The following SHISA5 variants were observed in gnomAD, a reference collection of about 807,000 sequenced individuals.
The protein encoded by SHISA5 is protein shisa-5.
Under a neutral mutation model 27.5 loss-of-function variants are expected in SHISA5, and 21 were observed. The ratio of observed to expected loss-of-function variants is 0.76; its 90% confidence interval spans 0.54 to 1.10. SHISA5 has a LOEUF of 1.10. Ranked by LOEUF, SHISA5 falls within the 50% of genes least tolerant of loss-of-function variation. The probability of loss-of-function intolerance (pLI) is 0.00; values close to 1 mark genes in which losing one functional copy is unlikely to be tolerated. For missense variants in SHISA5, 314 were observed against 336.3 expected (o/e 0.93, Z 0.52); for synonymous variants, 137 against 142.2 (o/e 0.96, Z 0.26).
Position 48,473,477 on chromosome 3 carries a change from C to T in SHISA5, c.315-3634G>A, listed in dbSNP as rs773154782. 10 of 1,292,550 alleles carry T rather than the reference C, an allele frequency of 7.7e-6. No individual in the cohort carries two copies. Among genetic ancestry groups the T allele is most frequent in the East Asian group, 1.1e-4 (2 of 18,186 alleles). The allele number at this position is 1,292,550 out of a possible 1,614,324, so 80.1% of individuals were successfully genotyped here. ...CTCCAGGAGGAGCTTCTGCATCCAT[C>T]TAGGCCCAGAGGGCGACCCTGGGGC... On this transcript the variant is annotated intron_variant, in intron 3 of 5. Coordinates refer to ENST00000296444, the MANE Select transcript of SHISA5 (RefSeq NM_016479.6). The surrounding 1 kb of genome is among the most constrained non-coding windows in gnomAD (Gnocchi z 4.3).
At chr3:48,480,027 C>T (rs1454318820) in intron 2 of SHISA5, among the ~76,000 whole-genome samples, 2 of 152,082 alleles carry the variant, frequency 1.3e-5, no homozygotes, top group East Asian at 3.9e-4. Flanking sequence ...CCTCAGCCTC[C>T]CGAGTAGCTG....
At chr3:48,496,121 C>CG (rs2041540124) in intron 2 of SHISA5, among the ~76,000 whole-genome samples, 1 of 137,408 alleles carries the variant, frequency 7.3e-6, no homozygotes, top group Admixed American at 7.1e-5. Context: ...CCCATCTCTG[C>CG]TAAAAAAAAA....
intron 2 of SHISA5, among the ~76,000 whole-genome samples, chr3:48,480,891 T>G (rs1357094884): frequency 6.6e-6 from 1 of 151,918 alleles, no homozygotes; most frequent in Non-Finnish European, 1.5e-5. Context: ...GGTCAGGAGT[T>G]CGAGACCAGC....
intron 2 of SHISA5, among the ~76,000 whole-genome samples, chr3:48,487,925 A>C (rs2041300471): frequency 6.6e-6 from 1 of 152,198 alleles, no homozygotes; most frequent in African/African-American, 2.4e-5. Flanking sequence ...AAACAAAACA[A>C]AACAAAAGAA....
Position 48,469,025 on chromosome 3 carries a change from G to T in SHISA5, c.*82C>A. 1 of 1,601,196 alleles carries T rather than the reference G, an allele frequency of 6.2e-7. No homozygotes were observed. The stretch of plus-strand genomic sequence containing the variant: ...GTGCCTGGACACACACAGCACACAT[G>T]GGGCGTAAGGAACCGCGCCTGCACA... On this transcript the variant is annotated 3_prime_UTR_variant, in exon 6 of 6. Transcript: ENST00000296444. This position sits in a 1 kb window ranked among gnomAD's most constrained non-coding sequence, Gnocchi z 4.6.
intron 2 of SHISA5, among the ~76,000 whole-genome samples, chr3:48,495,430 G>A (rs2041514115): frequency 6.9e-6 from 1 of 145,930 alleles, no homozygotes; most frequent in African/African-American, 2.8e-5. Flanking sequence ...TTCAGTGGGT[G>A]GGGAGAAACT....
chr3:48,499,372 C>T (rs368660903), intron 2 of SHISA5, among the ~76,000 whole-genome samples: 4 of 151,678 alleles, frequency 2.6e-5, no homozygotes, highest in East Asian at 2.0e-4. Context: ...GGAATAAATG[C>T]TCCTGCTTTT....
intron 2 of SHISA5, among the ~76,000 whole-genome samples, chr3:48,487,409 T>A (rs2041284213): frequency 6.6e-6 from 1 of 152,306 alleles, no homozygotes; most frequent in South Asian, 2.1e-4. Context: ...TTTGTATGTT[T>A]ATATGTTTTA....
intron 2 of SHISA5, among the ~76,000 whole-genome samples, chr3:48,491,266 C>G (rs1394324639): frequency 1.3e-5 from 2 of 152,006 alleles, no homozygotes; most frequent in Non-Finnish European, 2.9e-5. Flanking sequence ...CTACAAGCGC[C>G]CGTCACCATG....
At chr3:48,503,873 G>A in intron 1 of SHISA5, 146 bp downstream of exon 1, 1 of 1,312,162 alleles carries the variant, frequency 7.6e-7, no homozygotes. Flanking sequence ...GTCCGCAGTC[G>A]TGGGGGTTCG....
chr3:48,492,059 G>C (rs1384274908), intron 2 of SHISA5, among the ~76,000 whole-genome samples: 2 of 144,242 alleles, frequency 1.4e-5, no homozygotes, highest in Admixed American at 1.4e-4. Flanking sequence ...GTTGATGCTG[G>C]AATGAGTTAA....
chr3:48,481,108 G>GAATAAATAAATA, intron 2 of SHISA5, among the ~76,000 whole-genome samples: 1 of 151,366 alleles, frequency 6.6e-6, no homozygotes, highest in East Asian at 1.9e-4. Context: ...AAAATAATAA[G>GAATAAATAAATA]AATAAATAAA....
Position 48,472,910 on chromosome 3 carries a change from C to A in SHISA5, c.315-3067G>T. On this transcript the variant is annotated intron_variant, in intron 3 of 5. Transcript: ENST00000296444. ...ATGGAGAAACGCACACACATTCACA[C>A]GCCATCAATGACATGCGACCGCAAG... 6 of 1,190,008 alleles carry A rather than the reference C, an allele frequency of 5.0e-6. No individual in the cohort carries two copies. The Middle Eastern group carries it at 5.7e-4, about 112-fold the overall frequency. 73.7% of individuals were successfully genotyped at this position (1,190,008 alleles called of 1,614,324 possible). A position where few individuals can be genotyped will look rare whatever the true frequency, so the allele number is the denominator to read the frequency against.
At chr3:48,472,118 T>C (rs1422642087) in intron 3 of SHISA5, among the ~76,000 whole-genome samples, 1 of 148,948 alleles carries the variant, frequency 6.7e-6, no homozygotes, top group Admixed American at 6.7e-5. Flanking sequence ...AGGAGGGAGG[T>C]TGCAGTGAGC....
chr3:48,488,264 T>TG lies in SHISA5; in HGVS notation c.234-9008dup, dbSNP rs1355435790. On this transcript the variant is annotated intron_variant, in intron 2 of 5. Coordinates refer to ENST00000296444, the MANE Select transcript of SHISA5 (RefSeq NM_016479.6). ...TGCTTTTTTTTTTTTTTTTTTTTTTTGTGAGACAGAGTCTTGCTTGTAGCC... is the reference window on the plus strand; with the variant it reads ...TGCTTTTTTTTTTTTTTTTTTTTTTTGGTGAGACAGAGTCTTGCTTGTAGCC... 3.5e-3 allele frequency among the ~76,000 whole-genome samples: 511 copies of TG among 146,922 alleles called. 7 individuals carry two copies. Among genetic ancestry groups the TG allele is most frequent in the Admixed American group, 0.031 (454 of 14,420 alleles).
At chr3:48,479,827 G>A (rs1275062684) in intron 2 of SHISA5, among the ~76,000 whole-genome samples, 1 of 152,006 alleles carries the variant, frequency 6.6e-6, no homozygotes, top group East Asian at 1.9e-4. Flanking sequence ...TCCTGACCTC[G>A]TGATCTGCCC....
At chr3:48,471,249 A>G (rs761017570) in intron 3 of SHISA5, among the ~76,000 whole-genome samples, 7 of 152,104 alleles carry the variant, frequency 4.6e-5, no homozygotes, top group Non-Finnish European at 1.0e-4. Context: ...CCTGGCCTCA[A>G]GCAATCTTCC....
chr3:48,480,223 A>G (rs2040964267), intron 2 of SHISA5, among the ~76,000 whole-genome samples: 1 of 151,916 alleles, frequency 6.6e-6, no homozygotes, highest in Admixed American at 6.6e-5. Flanking sequence ...TTTTTTAAAA[A>G]GTACTAAAAC....
intron 2 of SHISA5, chr3:48,479,551 T>C (rs1216056473): frequency 5.0e-6 from 2 of 402,124 alleles, no homozygotes; most frequent in Non-Finnish European, 8.9e-6. Flanking sequence ...CACAACAGGA[T>C]GAAGTTACAA....
Sources: gnomAD v4.1 joint callset for allele counts (sites outside exome capture counted in the v4.1 genomes callset) on GRCh38, gnomAD v4.1.1 for gene constraint, Gnocchi (gnomAD v3.1) non-coding constraint, MANE v1.5 for transcripts, NCBI Gene and HGNC (gene_info 2026-07-23, HGNC 2026-07-21) for gene names.